The following L3MBTL1 variants were observed in gnomAD, a reference collection of about 807,000 sequenced individuals.
L3MBTL1 encodes the protein lethal(3)malignant brain tumor-like protein 1.
In L3MBTL1, 75 loss-of-function variants were observed where a neutral mutation model predicts 105.3. That is an observed-to-expected ratio of 0.71 (90% CI 0.59 to 0.86). The LOEUF is 0.86. Among genes scored for constraint, L3MBTL1 ranks in the 40% least tolerant of loss-of-function variants. The pLI, the probability that L3MBTL1 is intolerant of heterozygous loss-of-function variation, is 0.00. For synonymous variants in L3MBTL1, 452 were observed against 436.2 expected (o/e 1.04, Z -0.45); for missense variants, 1,069 against 1,126.4 (o/e 0.95, Z 0.73).
In L3MBTL1 at chr20:43,534,368, G is replaced by T. The variant is rs1178284041; in HGVS notation, c.1684G>T (p.Glu562Ter). Reference sequence around the variant, plus strand: ...AGCCCTGATTCGCGTGGCCAGCGTGGAGGATGTGGAGGACCATCGGATAAA... The same window carrying T: ...AGCCCTGATTCGCGTGGCCAGCGTGTAGGATGTGGAGGACCATCGGATAAA... ...NPALIRVASV[E>*]DVEDHRIKIH... is the part of the protein sequence containing the mutation. The change falls in exon 15 of 22, where the codon GAG becomes TAG. Residue 562 changes from glutamate (E) to a stop codon, truncating the protein, a stop_gained. Coordinates refer to ENST00000418998, the MANE Select transcript of L3MBTL1 (RefSeq NM_001377303.1). LOFTEE classifies it high-confidence loss of function. 1 of 1,614,002 alleles carries T rather than the reference G, an allele frequency of 6.2e-7. No individual in the cohort carries two copies.
exon 19 of L3MBTL1, chr20:43,549,443 C>T (rs1336087433): frequency 1.3e-5 from 2 of 152,266 alleles, no homozygotes; most frequent in East Asian, 3.8e-4. Context: ...TCCCTGAAGC[C>T]CTCCTTGCCG....
At chr20:43,514,154 G>C in intron 3 of L3MBTL1, 93 bp downstream of exon 3, 1 of 1,149,840 alleles carries the variant, frequency 8.7e-7, no homozygotes. Flanking sequence ...CGGAAGTGGG[G>C]GAAGCTGGCT....
At chr20:43,522,555 C>G (rs1400683186) in intron 7 of L3MBTL1, among the ~76,000 whole-genome samples, 1 of 146,134 alleles carries the variant, frequency 6.8e-6, no homozygotes, top group Non-Finnish European at 1.5e-5. Context: ...CACTGTGACC[C>G]CCGCCTTGCA....
chr20:43,533,288 C>T (rs2019434131), intron 12 of L3MBTL1, 54 bp from the exon 13 acceptor site: 2 of 1,514,278 alleles, frequency 1.3e-6, no homozygotes, highest in East Asian at 2.3e-5. Context: ...CAGAGGATGG[C>T]AGGCTCAGGG....
At chr20:43,518,433 T>C (rs1227056425) in intron 7 of L3MBTL1, among the ~76,000 whole-genome samples, 1 of 152,214 alleles carries the variant, frequency 6.6e-6, no homozygotes, top group African/African-American at 2.4e-5. Flanking sequence ...GTTAAAAACA[T>C]GTGACTCATG....
At chr20:43,514,121 A>G (rs1375348730) in intron 3 of L3MBTL1, 60 bp downstream of exon 3, 4 of 1,386,100 alleles carry the variant, frequency 2.9e-6, no homozygotes, top group Non-Finnish European at 3.9e-6. Flanking sequence ...CGGGGCTTGC[A>G]GGCCCGGAGG....
At position 43,534,941 on chromosome 20, in the gene L3MBTL1, C is replaced by G; in HGVS notation, c.1824C>G (p.Leu608=). ...CAGGACATCCCCTGCAGCCTCCTCTCGGTGTGTACCCCTAGGGCACTCTGA... is the reference window on the plus strand; with the variant it reads ...CAGGACATCCCCTGCAGCCTCCTCTGGGTGTGTACCCCTAGGGCACTCTGA... ...SKTGHPLQPP[L]GPREPSSASP... Residue 608 remains leucine, a splice_region_variant and synonymous_variant, in exon 16 of 22, where the codon CTC becomes CTG. Coordinates refer to ENST00000418998, the MANE Select transcript of L3MBTL1 (RefSeq NM_001377303.1). The G allele has an allele frequency of 1.3e-6, 2 of 1,588,056 alleles. No homozygotes were observed. The highest frequency in any genetic ancestry group is 1.7e-6 in the Non-Finnish European group (2 of 1,168,916).
intron 7 of L3MBTL1, chr20:43,523,497 T>C: frequency 3.8e-6 from 1 of 260,800 alleles, no homozygotes; most frequent in Non-Finnish European, 7.8e-6. Context: ...CAGTGATCCC[T>C]CCAGAGGCAA....
Position 43,522,128 on chromosome 20 carries a change from G to A in L3MBTL1, c.862+5951G>A, listed in dbSNP as rs551433494. Among the ~76,000 whole-genome samples, 18 of 152,252 alleles carry A rather than the reference G, an allele frequency of 1.2e-4. No individual in the cohort carries two copies. The South Asian group carries it at 3.7e-3, about 32-fold the overall frequency. On this transcript the variant is annotated intron_variant, in intron 7 of 21. Coordinates refer to ENST00000418998, the MANE Select transcript of L3MBTL1 (RefSeq NM_001377303.1). ...TCCCTGCACTTTGGGAGGCCGAGGC[G>A]GGTGGATCACGAGGTCAGGAGATTG...
intron 14 of L3MBTL1, 40 bp downstream of exon 14, chr20:43,534,133 A>G (rs1327018968): frequency 6.3e-7 from 1 of 1,582,290 alleles, no homozygotes; most frequent in South Asian, 1.1e-5. Context: ...GAGCTCAGAA[A>G]GACATGGAGC....
At chr20:43,529,572 A>C (rs1395263429) in intron 9 of L3MBTL1, among the ~76,000 whole-genome samples, 2 of 152,192 alleles carry the variant, frequency 1.3e-5, no homozygotes, top group Non-Finnish European at 1.5e-5. Context: ...ATGAATGTAT[A>C]CTGTCCACTC....
rs1343411157 is a variant in L3MBTL1, at chr20:43,536,205, G to A, written c.2034G>A (p.Leu678=). The change falls in exon 18 of 22, where the codon CTG becomes CTA. Residue 678 remains leucine (L), a synonymous_variant. Coordinates refer to ENST00000418998, the MANE Select transcript of L3MBTL1 (RefSeq NM_001377303.1). ...TGGCTGAGAGGAACCAGAGCCGGCT[G>A]AAAGCGGAGCTGTCTGACTCGGAGG... The part of the protein sequence containing the change: ...CPLAERNQSR[L]KAELSDSEAS... The A allele has an allele frequency of 6.2e-6, 10 of 1,613,112 alleles. No individual in the cohort carries two copies. In the South Asian group the frequency reaches 9.9e-5, roughly 16 times the overall value.
chr20:43,546,837 C>G (rs142411309), downstream of L3MBTL1, among the ~76,000 whole-genome samples: 752 of 152,328 alleles, frequency 4.9e-3, 6 homozygotes, highest in African/African-American at 0.017. Flanking sequence ...CATTTCACCC[C>G]TGAGGACATA....
chr20:43,526,587 C>G (rs1241972463), intron 7 of L3MBTL1, among the ~76,000 whole-genome samples: 3 of 152,216 alleles, frequency 2.0e-5, no homozygotes, highest in African/African-American at 7.2e-5. Flanking sequence ...AACAAAATAT[C>G]TGTTGTGGCC....
In L3MBTL1 at chr20:43,535,868, G is replaced by C; in HGVS notation, c.1857G>C (p.Gly619=). 6.2e-7 allele frequency: 1 copy of C among 1,610,880 alleles called. No homozygotes were observed. Residue 619 remains glycine, a synonymous_variant, in exon 17 of 22, where the codon GGG becomes GGC. Transcript: ENST00000418998. ...GPREPSSASP[G]GCPPLSYRSL... ...GAGAGCCCAGCTCTGCCTCCCCTGG[G>C]GGCTGTCCCCCTCTCAGCTATAGGA...
intron 7 of L3MBTL1, among the ~76,000 whole-genome samples, chr20:43,527,816 T>G (rs2019112242): frequency 6.6e-6 from 1 of 152,054 alleles, no homozygotes; most frequent in Non-Finnish European, 1.5e-5. Flanking sequence ...GCCTCCTGGA[T>G]TCAAGCAATT....
rs1019224680 is a variant in L3MBTL1 at position 43,515,472 on chromosome 20, C to G, written c.777+57C>G. 2.0e-6 allele frequency: 3 copies of G among 1,522,266 alleles called. No individual in the cohort carries two copies. In the African/African-American group the frequency reaches 4.1e-5, roughly 21 times the overall value. 94.3% of individuals were successfully genotyped at this position (1,522,266 alleles called of 1,614,324 possible). A position where few individuals can be genotyped will look rare whatever the true frequency, so the allele number is the denominator to read the frequency against. Reference sequence around the variant, plus strand: ...AAGCTATAGCCTATGCCTCAATTCCCACTGTCCCCTCCATCAATCCAGATT... The same window carrying G: ...AAGCTATAGCCTATGCCTCAATTCCGACTGTCCCCTCCATCAATCCAGATT... On this transcript the variant is annotated intron_variant, in intron 6 of 21. Coordinates refer to ENST00000418998, the MANE Select transcript of L3MBTL1 (RefSeq NM_001377303.1).
chr20:43,539,731 G>T, intron 19 of L3MBTL1: 1 of 254,470 alleles, frequency 3.9e-6, no homozygotes, highest in South Asian at 4.6e-5. Context: ...GGCCCGGAAG[G>T]ACTCATGAGA....
chr20:43,522,294 G>T (rs7361088), intron 7 of L3MBTL1, among the ~76,000 whole-genome samples: 1 of 151,800 alleles, frequency 6.6e-6, no homozygotes, highest in African/African-American at 2.4e-5. Context: ...ACCGGAGGTT[G>T]CAGTGAGCTG....
Sources: allele counts gnomAD v4.1 joint callset (sites outside exome capture counted in the v4.1 genomes callset), GRCh38; gene constraint gnomAD v4.1.1; transcripts MANE v1.5; gene names NCBI Gene and HGNC (gene_info 2026-07-23, HGNC 2026-07-21).